The following MLLT3 variants were observed in gnomAD, a reference collection of about 807,000 sequenced individuals.
The protein encoded by MLLT3 is MLLT3 super elongation complex subunit, also known as protein AF-9.
In MLLT3, 4 loss-of-function variants were observed where a neutral mutation model predicts 53.2. The observed-to-expected ratio is 0.08, with a 90% CI of 0.04 to 0.17. MLLT3 has a LOEUF of 0.17. Ranked by LOEUF, MLLT3 falls within the 10% of genes least tolerant of loss-of-function variation. The pLI is 1.00. For missense variants in MLLT3, 569 were observed against 684.0 expected, an observed-to-expected ratio of 0.83 and a Z score of 1.87; for synonymous variants, 283 against 230.6, an observed-to-expected ratio of 1.23 and a Z score of -2.06.
intron 5 of MLLT3, among the ~76,000 whole-genome samples, chr9:20,371,901 A>C (rs1821613709): frequency 6.6e-6 from 1 of 152,252 alleles, no homozygotes; most frequent in South Asian, 2.1e-4. Context: ...AGGATTCACC[A>C]TTCTAGATGC....
intron 4 of MLLT3, among the ~76,000 whole-genome samples, chr9:20,416,836 GGAGA>G (rs1822883050): frequency 1.3e-5 from 2 of 152,078 alleles, no homozygotes. Context: ...AAAAATAAAA[GGAGA>G]GAGAGCAGTT....
chr9:20,585,295 A>G (rs1225976420), intron 2 of MLLT3, among the ~76,000 whole-genome samples: 2 of 152,114 alleles, frequency 1.3e-5, no homozygotes, highest in Non-Finnish European at 2.9e-5. Context: ...GTACATATTT[A>G]TGGTACACAA....
chr9:20,434,034 T>A (rs560711260), intron 4 of MLLT3, among the ~76,000 whole-genome samples: 174 of 151,912 alleles, frequency 1.1e-3, no homozygotes, highest in African/African-American at 3.8e-3. Flanking sequence ...GGCAGCAGAA[T>A]CGCTTGAATC....
chr9:20,616,445 T>C lies in MLLT3; in HGVS notation c.193+4209A>G, dbSNP rs145618218. On this transcript the variant is annotated intron_variant, in intron 2 of 10. Coordinates refer to ENST00000380338, the MANE Select transcript of MLLT3 (RefSeq NM_004529.4). ...TTTATTCTTTTTCAGTTTTAAAAAG[T>C]TATGTGTGCTCATTGAATGTTTTAA... is the stretch of plus-strand genomic sequence containing the variant. 3.3e-5 allele frequency among the ~76,000 whole-genome samples: 5 copies of C among 152,212 alleles called. No homozygotes were observed. The East Asian group carries it at 9.6e-4, about 29-fold the overall frequency.
intron 2 of MLLT3, among the ~76,000 whole-genome samples, chr9:20,535,121 T>A (rs1038753009): frequency 6.6e-6 from 1 of 151,896 alleles, no homozygotes; most frequent in African/African-American, 2.4e-5. Flanking sequence ...CAGCGGCAGG[T>A]GAGCTAGCGT....
At chr9:20,590,911 T>A (rs1032986960) in intron 2 of MLLT3, among the ~76,000 whole-genome samples, 1 of 152,052 alleles carries the variant, frequency 6.6e-6, no homozygotes, top group Non-Finnish European at 1.5e-5. Flanking sequence ...AGCTAATTTT[T>A]TTTTTTTTAT....
intron 5 of MLLT3, among the ~76,000 whole-genome samples, chr9:20,390,172 AT>A (rs1822147925): frequency 1.3e-5 from 2 of 152,240 alleles, no homozygotes; most frequent in African/African-American, 4.8e-5. Flanking sequence ...ATAGTGTTAC[AT>A]TAAGAAGGAC....
chr9:20,430,520 T>C (rs998083929), intron 4 of MLLT3, among the ~76,000 whole-genome samples: 1 of 152,116 alleles, frequency 6.6e-6, no homozygotes, highest in East Asian at 1.9e-4. Flanking sequence ...GATAAAAGCA[T>C]AGACAACGCA....
chr9:20,428,033 C>G (rs959555904), intron 4 of MLLT3, among the ~76,000 whole-genome samples: 20 of 151,942 alleles, frequency 1.3e-4, no homozygotes, highest in African/African-American at 4.6e-4. Flanking sequence ...TTTGCAATAA[C>G]TGATATAATA....
At chr9:20,554,703 A>C (rs905642266) in intron 2 of MLLT3, among the ~76,000 whole-genome samples, 6 of 152,214 alleles carry the variant, frequency 3.9e-5, no homozygotes, top group African/African-American at 1.4e-4. Flanking sequence ...ACACCCTCCA[A>C]AGAGCAAATG....
intron 5 of MLLT3, among the ~76,000 whole-genome samples, chr9:20,367,917 A>C (rs1249139097): frequency 6.6e-6 from 1 of 152,174 alleles, no homozygotes; most frequent in African/African-American, 2.4e-5. Context: ...ACCAGGCTCT[A>C]CCAACTTGGA....
At chr9:20,526,088 G>C (rs1412284572) in intron 2 of MLLT3, among the ~76,000 whole-genome samples, 2 of 152,122 alleles carry the variant, frequency 1.3e-5, no homozygotes, top group Admixed American at 6.5e-5. Flanking sequence ...TAAAATACTA[G>C]GGTATAAAAA....
intron 2 of MLLT3, among the ~76,000 whole-genome samples, chr9:20,590,941 G>A (rs1464478208): frequency 1.3e-5 from 2 of 151,784 alleles, no homozygotes; most frequent in East Asian, 1.9e-4. Flanking sequence ...GTAGAGATGG[G>A]GTCTTCCTAC....
intron 2 of MLLT3, among the ~76,000 whole-genome samples, chr9:20,508,047 G>A (rs181717243): frequency 3.3e-5 from 5 of 152,246 alleles, no homozygotes; most frequent in African/African-American, 1.2e-4. Context: ...AATCCAAAAG[G>A]AGAGGTTCTA....
At chr9:20,416,371 T>G (rs1353868137) in intron 4 of MLLT3, among the ~76,000 whole-genome samples, 2 of 152,016 alleles carry the variant, frequency 1.3e-5, no homozygotes, top group Non-Finnish European at 1.5e-5. Flanking sequence ...CATACAATTT[T>G]TAACCTACCA....
At chr9:20,503,083 G>C (rs1165787272) in intron 2 of MLLT3, among the ~76,000 whole-genome samples, 1 of 152,116 alleles carries the variant, frequency 6.6e-6, no homozygotes, top group Non-Finnish European at 1.5e-5. Flanking sequence ...GACATACTGT[G>C]TTCACAAGTG....
chr9:20,457,652 T>C (rs1037526503), intron 2 of MLLT3, among the ~76,000 whole-genome samples: 6 of 152,186 alleles, frequency 3.9e-5, no homozygotes, highest in African/African-American at 1.2e-4. Context: ...CCAAAAGGAA[T>C]GTTTACTAAA....
At chr9:20,583,734 C>A (rs978690926) in intron 2 of MLLT3, among the ~76,000 whole-genome samples, 1 of 152,168 alleles carries the variant, frequency 6.6e-6, no homozygotes, top group Non-Finnish European at 1.5e-5. Context: ...AGCTGGGACA[C>A]AGGACACCAA....
intron 4 of MLLT3, among the ~76,000 whole-genome samples, chr9:20,436,809 C>T (rs190540238): frequency 1.2e-3 from 178 of 152,098 alleles, no homozygotes; most frequent in African/African-American, 3.9e-3. Flanking sequence ...CATTTTATAG[C>T]CATAAAAATA....
Sources: gnomAD v4.1 joint callset for allele counts (sites outside exome capture counted in the v4.1 genomes callset) on GRCh38, gnomAD v4.1.1 for gene constraint, MANE v1.5 for transcripts, NCBI Gene and HGNC (gene_info 2026-07-23, HGNC 2026-07-21) for gene names.